ZC3H12B: variants seen among roughly 807,000 people sequenced by gnomAD.
ZC3H12B encodes the protein zinc finger CCCH-type containing 12B, also known as probable ribonuclease ZC3H12B.
In ZC3H12B, 7 loss-of-function variants were observed where a neutral mutation model predicts 43.9. The observed-to-expected ratio is 0.16, with a 90% CI of 0.09 to 0.30. The LOEUF is 0.30. ZC3H12B is among the 10% of genes least tolerant of loss of function. The pLI is 1.00. For missense variants in ZC3H12B, 475 were observed against 670.2 expected (o/e 0.71, Z 3.22); for synonymous variants, 222 against 241.7 (o/e 0.92, Z 0.76).
chrX:65,454,087 G>T (rs1038317620), intron 3 of ZC3H12B, among the ~76,000 whole-genome samples: 1 of 112,554 alleles, frequency 8.9e-6, no homozygotes, highest in African/African-American at 3.2e-5. Context: ...AATGATTTCT[G>T]CATTTCCAAA....
the ZC3H12B span, among the ~76,000 whole-genome samples, chrX:65,243,365 T>G: frequency 8.9e-6 from 1 of 111,888 alleles, no homozygotes; most frequent in Non-Finnish European, 1.9e-5. Context: ...ATATGAAAAA[T>G]GTTCAACATC....
chrX:65,466,935 T>TA (rs1475035308), intron 3 of ZC3H12B, among the ~76,000 whole-genome samples: 39 of 44,634 alleles, frequency 8.7e-4, no homozygotes, highest in Admixed American at 1.3e-3. Context: ...TATATATATA[T>TA]ATATATATAT....
the ZC3H12B span, among the ~76,000 whole-genome samples, chrX:65,274,201 A>G: frequency 2.7e-5 from 3 of 111,974 alleles, no homozygotes; most frequent in Non-Finnish European, 5.6e-5. Flanking sequence ...TCCTTACAAT[A>G]GGGGAATTCC....
At chrX:65,318,692 T>C in the ZC3H12B span, among the ~76,000 whole-genome samples, 1 of 111,431 alleles carries the variant, frequency 9.0e-6, no homozygotes, top group African/African-American at 3.3e-5. Context: ...CGTGCTGGGA[T>C]TACAGGCGTG....
Position 65,465,891 on chromosome X carries a change from TA to T in ZC3H12B, n.408-22754del, listed in dbSNP as rs369043479. ...AGGCATACAACTTCATGATTATATA[TA>T]TTTTTTTGATATAATATATTCATAT... is the stretch of plus-strand genomic sequence containing the variant. On this transcript the variant is annotated intron_variant and non_coding_transcript_variant, in intron 3 of 5. Coordinates refer to the ZC3H12B transcript ENST00000617377. Among the ~76,000 whole-genome samples, 191 of 110,484 alleles carry T rather than the reference TA, an allele frequency of 1.7e-3. 6 individuals carry two copies. In the South Asian group the frequency reaches 0.067, roughly 39 times the overall value.
At chrX:65,174,590 TAG>T in the ZC3H12B span, among the ~76,000 whole-genome samples, 1 of 112,055 alleles carries the variant, frequency 8.9e-6, no homozygotes, top group Non-Finnish European at 1.9e-5. Flanking sequence ...AGGAGGAATC[TAG>T]AGAGGCACTG....
chrX:65,134,674 C>CCTT, the ZC3H12B span, among the ~76,000 whole-genome samples: 212 of 111,451 alleles, frequency 1.9e-3, no homozygotes, highest in Middle Eastern at 0.019. Flanking sequence ...GGACCGGTCT[C>CCTT]CTGAAGGAGT....
At chrX:65,163,173 C>T in the ZC3H12B span, among the ~76,000 whole-genome samples, 3 of 110,800 alleles carry the variant, frequency 2.7e-5, no homozygotes, top group African/African-American at 9.8e-5. Context: ...GTCAGTCTGC[C>T]CCTACTGGGG....
At chrX:65,039,315 G>T in the ZC3H12B span, among the ~76,000 whole-genome samples, 1 of 111,671 alleles carries the variant, frequency 9.0e-6, no homozygotes, top group African/African-American at 3.2e-5. Context: ...GATTAACTTT[G>T]TTACTGATAG....
intron 2 of ZC3H12B, among the ~76,000 whole-genome samples, chrX:65,387,989 A>G (rs1389582187): frequency 8.9e-6 from 1 of 112,134 alleles, no homozygotes; most frequent in Non-Finnish European, 1.9e-5. Flanking sequence ...TCTGGCTTGT[A>G]GAGTTTCTGC....
At chrX:65,065,769 T>C in the ZC3H12B span, among the ~76,000 whole-genome samples, 1 of 111,060 alleles carries the variant, frequency 9.0e-6, no homozygotes, top group East Asian at 2.9e-4. Flanking sequence ...TTGTCAGTTT[T>C]AGGTACACCA....
chrX:65,442,294 C>G (rs776357119), intron 3 of ZC3H12B, among the ~76,000 whole-genome samples: 1 of 110,489 alleles, frequency 9.1e-6, no homozygotes, highest in East Asian at 2.8e-4. Flanking sequence ...AACTGCAACA[C>G]TATATTCTGA....
intron 2 of ZC3H12B, among the ~76,000 whole-genome samples, chrX:65,381,406 G>A (rs377202116): frequency 6.2e-4 from 69 of 111,344 alleles, no homozygotes; most frequent in Non-Finnish European, 1.2e-3. Context: ...TGAAACCAAC[G>A]AGAACAAAGA....
chrX:65,348,204 C>A, the ZC3H12B span, among the ~76,000 whole-genome samples: 1 of 112,049 alleles, frequency 8.9e-6, no homozygotes, highest in African/African-American at 3.3e-5. Flanking sequence ...ACGTTGTGCA[C>A]TTGTACCCTA....
At chrX:65,352,889 A>T in the ZC3H12B span, among the ~76,000 whole-genome samples, 3 of 111,678 alleles carry the variant, frequency 2.7e-5, no homozygotes, top group Non-Finnish European at 5.6e-5. Flanking sequence ...GCTCTGTTAC[A>T]CAGGCTGGAA....
At chrX:65,362,061 T>G (rs889199931), upstream of ZC3H12B, among the ~76,000 whole-genome samples, 2 of 111,977 alleles carry the variant, frequency 1.8e-5, no homozygotes, top group Admixed American at 1.9e-4. Context: ...CCATGTCCCA[T>G]CAGTGTGGGA....
intron 3 of ZC3H12B, among the ~76,000 whole-genome samples, chrX:65,426,310 CT>C (rs1413700304): frequency 1.0e-5 from 1 of 99,861 alleles, no homozygotes; most frequent in Non-Finnish European, 2.0e-5. Context: ...TGATATCCCC[CT>C]TATCATTTCT....
chrX:65,383,381 G>A (rs2066472296), intron 2 of ZC3H12B, among the ~76,000 whole-genome samples: 1 of 111,789 alleles, frequency 8.9e-6, no homozygotes, highest in African/African-American at 3.3e-5. Flanking sequence ...AAATGGTGCT[G>A]GGAAAACTGG....
chrX:65,441,312 T>C (rs2067298360), intron 3 of ZC3H12B, among the ~76,000 whole-genome samples: 3 of 112,307 alleles, frequency 2.7e-5, no homozygotes, highest in East Asian at 2.8e-4. Context: ...CTATGTTAAA[T>C]TGAGCGAGAT....
Sources: allele counts gnomAD v4.1 joint callset (sites outside exome capture counted in the v4.1 genomes callset), GRCh38; gene constraint gnomAD v4.1.1; transcripts MANE v1.5; gene names NCBI Gene and HGNC (gene_info 2026-07-23, HGNC 2026-07-21).